The following ZNF280D variants were observed in gnomAD, a reference collection of about 807,000 sequenced individuals.
The protein encoded by ZNF280D is suppressor of hairy wing homolog 4.
A neutral mutation model predicts 94.7 loss-of-function variants in ZNF280D; 39 were observed. The ratio of observed to expected loss-of-function variants is 0.41; its 90% confidence interval spans 0.32 to 0.54. The LOEUF is 0.54. Among genes scored for constraint, ZNF280D ranks in the 20% least tolerant of loss-of-function variants. ZNF280D has a pLI of 0.22. For missense variants in ZNF280D, 1,090 were observed against 1,149.3 expected, an observed-to-expected ratio of 0.95 and a Z score of 0.75; for synonymous variants, 398 against 377.6, an observed-to-expected ratio of 1.05 and a Z score of -0.63.
intron 1 of ZNF280D, among the ~76,000 whole-genome samples, chr15:56,715,802 T>A (rs943633973): frequency 1.1e-4 from 16 of 152,168 alleles, no homozygotes; most frequent in Non-Finnish European, 2.4e-4. Flanking sequence ...AGGTCATTTA[T>A]TCCAGAAGTG....
Position 56,689,377 on chromosome 15 carries a change from G to A in ZNF280D, c.593C>T (p.Ser198Phe). The A allele has an allele frequency of 1.2e-6, 2 of 1,609,806 alleles. No individual in the cohort carries two copies. The highest frequency in any genetic ancestry group is 1.3e-5 in the African/African-American group (1 of 74,942). Reference protein sequence around the residue: ...PKKPKPSESVSGANSSAVLPS... With the variant: ...PKKPKPSESVFGANSSAVLPS... Reference sequence around the variant, plus strand: ...TAATACAGCTGAGGAATTTGCTCCAGAAACACTTTCGCTGGGTTTAGGCTT... The same window carrying A: ...TAATACAGCTGAGGAATTTGCTCCAAAAACACTTTCGCTGGGTTTAGGCTT... Residue 198 changes from serine (S) to phenylalanine (F), a missense_variant, in exon 8 of 22, where the codon TCT becomes TTT. Around this residue, in one of 3 missense-constraint regions of ZNF280D, gnomAD observed 386 missense variants for 372.0 expected, o/e 1.04. Coordinates refer to ENST00000267807, the MANE Select transcript of ZNF280D (RefSeq NM_017661.4).
In ZNF280D at chr15:56,631,001, A is replaced by G. The variant is rs1010154117; in HGVS notation, c.*497T>C. ...CTCTAAGCATGCTCCATTTACCAGC[A>G]TCATCCTCACAAATAAAGCCTTCAT... On this transcript the variant is annotated 3_prime_UTR_variant, in exon 22 of 22. Coordinates refer to ENST00000267807, the MANE Select transcript of ZNF280D (RefSeq NM_017661.4). The G allele has an allele frequency of 6.4e-6, 1 of 157,320 alleles. No homozygotes were observed. The highest frequency in any genetic ancestry group is 2.4e-5 in the African/African-American group (1 of 41,478). 9.7% of individuals were successfully genotyped at this position (157,320 alleles called of 1,614,324 possible).
intron 17 of ZNF280D, among the ~76,000 whole-genome samples, chr15:56,656,542 C>G (rs1994081): frequency 0.38 from 57,018 of 152,016 alleles, 10,811 homozygotes; most frequent in Middle Eastern, 0.51. Context: ...TCTAATGTAG[C>G]TTAATTATTT....
At chr15:56,657,970 A>T (rs1249909278) in intron 17 of ZNF280D, among the ~76,000 whole-genome samples, 1 of 152,186 alleles carries the variant, frequency 6.6e-6, no homozygotes, top group African/African-American at 2.4e-5. Flanking sequence ...AAAACAATCT[A>T]AATAAATAAA....
At chr15:56,641,017 T>A (rs1170931177) in intron 20 of ZNF280D, among the ~76,000 whole-genome samples, 1 of 152,118 alleles carries the variant, frequency 6.6e-6, no homozygotes, top group Non-Finnish European at 1.5e-5. Context: ...AACATTTCAC[T>A]GAATTTTTTA....
chr15:56,700,869 T>C (rs2057020500), intron 6 of ZNF280D, 64 bp downstream of exon 6: 1 of 1,612,770 alleles, frequency 6.2e-7, no homozygotes, highest in Non-Finnish European at 8.5e-7. Flanking sequence ...CTGGGTACTG[T>C]TGATATTGAT....
intron 19 of ZNF280D, chr15:56,653,650 C>A (rs1596360638): frequency 2.1e-6 from 3 of 1,405,556 alleles, no homozygotes; most frequent in South Asian, 1.6e-5. Flanking sequence ...GAGAAAAAGA[C>A]AATTATCTGG....
At chr15:56,686,957 T>A (rs780358926) in intron 9 of ZNF280D, among the ~76,000 whole-genome samples, 3 of 152,148 alleles carry the variant, frequency 2.0e-5, no homozygotes, top group African/African-American at 7.2e-5. Context: ...ATATTTTAAA[T>A]ATTTTTCCAT....
chr15:56,638,178 C>T (rs942156339), intron 20 of ZNF280D, among the ~76,000 whole-genome samples: 2 of 152,152 alleles, frequency 1.3e-5, no homozygotes, highest in African/African-American at 4.8e-5. Flanking sequence ...CTCCTACCCA[C>T]CACTGATTAG....
chr15:56,702,924 C>G (rs1373890413), intron 4 of ZNF280D, among the ~76,000 whole-genome samples: 2 of 140,818 alleles, frequency 1.4e-5, no homozygotes. Context: ...CACACACACA[C>G]ACACACACAC....
In ZNF280D at chr15:56,631,782, A is replaced by C. The variant is rs1292102169; in HGVS notation, c.2656T>G (p.Leu886Val). The change falls in exon 22 of 22, where the codon TTA becomes GTA. Residue 886 changes from leucine to valine, a missense_variant. Leu to Val is a conservative substitution (Grantham distance 32). Transcript: ENST00000267807. ...TCAATGCTTACATTATCTGATGCTAATCGCAAATCCTTAATATTCTTTGAA... is the reference window on the plus strand; with the variant it reads ...TCAATGCTTACATTATCTGATGCTACTCGCAAATCCTTAATATTCTTTGAA... The part of the protein sequence containing the change: ...FSSKNIKDLR[L>V]ASDNVSIDQF... The C allele has an allele frequency of 6.2e-7, 1 of 1,614,166 alleles. No homozygotes were observed. Among genetic ancestry groups the C allele is most frequent in the Non-Finnish European group, 8.5e-7 (1 of 1,180,018 alleles).
chr15:56,639,775 C>T (rs1240743905), intron 20 of ZNF280D, among the ~76,000 whole-genome samples: 2 of 152,250 alleles, frequency 1.3e-5, no homozygotes, highest in East Asian at 3.9e-4. Flanking sequence ...GGACACAATT[C>T]ATCAAAATGA....
Position 56,660,220 on chromosome 15 carries a change from G to A in ZNF280D, c.1995-1734C>T, listed in dbSNP as rs531109931. Among the ~76,000 whole-genome samples the A allele has an allele frequency of 2.8e-4, 43 of 152,182 alleles. No individual in the cohort carries two copies. In the South Asian group the frequency reaches 7.9e-3, roughly 28 times the overall value. On this transcript the variant is annotated intron_variant, in intron 16 of 21. Transcript: ENST00000267807. ...AGATTTTGTTTGATTACTAAAACAT[G>A]TGAACCAAAATAAGTTATTTTTAAA...
intron 19 of ZNF280D, among the ~76,000 whole-genome samples, chr15:56,643,851 A>G (rs1233281266): frequency 4.6e-5 from 7 of 151,868 alleles, no homozygotes; most frequent in East Asian, 3.8e-4. Flanking sequence ...AAGGAATAAC[A>G]TATTTAACAT....
At chr15:56,726,829 T>C (rs958976625) in intron 1 of ZNF280D, among the ~76,000 whole-genome samples, 4 of 152,236 alleles carry the variant, frequency 2.6e-5, no homozygotes, top group Non-Finnish European at 5.9e-5. Flanking sequence ...ACAATTCCTC[T>C]ATCACCTTTG....
intron 1 of ZNF280D, among the ~76,000 whole-genome samples, chr15:56,710,339 G>A (rs550652116): frequency 1.3e-5 from 2 of 152,064 alleles, no homozygotes; most frequent in Non-Finnish European, 2.9e-5. Context: ...AAGAGGCAGA[G>A]GGAGGTTGCA....
chr15:56,701,341 G>A (rs2057057054), intron 4 of ZNF280D, 103 bp from the exon 5 acceptor site: 3 of 824,912 alleles, frequency 3.6e-6, no homozygotes, highest in Non-Finnish European at 5.7e-6. Context: ...TTTATGGAAG[G>A]AGTATATAAC....
intron 19 of ZNF280D, among the ~76,000 whole-genome samples, chr15:56,651,478 A>T (rs1840618997): frequency 6.6e-6 from 1 of 152,148 alleles, no homozygotes; most frequent in African/African-American, 2.4e-5. Flanking sequence ...ACCTTTTTTT[A>T]AAAATGAATT....
intron 20 of ZNF280D, among the ~76,000 whole-genome samples, chr15:56,639,071 A>G (rs1279671814): frequency 4.6e-5 from 7 of 152,040 alleles, no homozygotes; most frequent in African/African-American, 1.4e-4. Context: ...ACAATATTTA[A>G]TATCTCCAAA....
Sources: allele counts gnomAD v4.1 joint callset (sites outside exome capture counted in the v4.1 genomes callset), GRCh38; gene constraint gnomAD v4.1.1; regional missense constraint gnomAD v4.1.1; transcripts MANE v1.5; gene names NCBI Gene and HGNC (gene_info 2026-07-23, HGNC 2026-07-21).